BANK1: variants seen among roughly 807,000 people sequenced by gnomAD.
BANK1 encodes B-cell scaffold protein with ankyrin repeats.
In BANK1, 95 loss-of-function variants were observed where a neutral mutation model predicts 94.5. The ratio of observed to expected loss-of-function variants is 1.00; its 90% CI spans 0.85 to 1.19. The LOEUF (loss-of-function observed/expected upper bound fraction) is 1.19, where lower values mean the gene tolerates loss of function less well. Among genes scored for constraint, BANK1 ranks in the 50% most tolerant of loss-of-function variants. BANK1 has a pLI of 0.00. For missense variants in BANK1, 987 were observed against 932.2 expected (o/e 1.06, Z -0.77); for synonymous variants, 334 against 308.4 (o/e 1.08, Z -0.87).
Position 101,877,175 on chromosome 4 carries a change from A to G in BANK1, c.903+6531A>G, listed in dbSNP as rs573393476. ...ACAGATAATTTCCCAACCTAGAGAA[A>G]GATATCAATGTCCAAACATGAGAAA... On this transcript the variant is annotated intron_variant, in intron 5 of 16. Transcript: ENST00000322953. Among the ~76,000 whole-genome samples, 15 of 152,326 alleles carry G rather than the reference A, an allele frequency of 9.8e-5. No homozygotes were observed. The South Asian group carries it at 3.1e-3, about 32-fold the overall frequency.
At chr4:101,795,490 A>G (rs902223864) in intron 1 of BANK1, among the ~76,000 whole-genome samples, 3 of 152,128 alleles carry the variant, frequency 2.0e-5, no homozygotes, top group Non-Finnish European at 4.4e-5. Context: ...TGAAATGGCA[A>G]TTGTAGAATA....
intron 7 of BANK1, among the ~76,000 whole-genome samples, chr4:102,004,413 C>T (rs1006359918): frequency 1.3e-5 from 2 of 152,202 alleles, no homozygotes; most frequent in Non-Finnish European, 2.9e-5. Context: ...GTCACTGAGA[C>T]TCCTGACATC....
At chr4:101,827,720 G>C (rs1291210230) in intron 1 of BANK1, among the ~76,000 whole-genome samples, 1 of 151,704 alleles carries the variant, frequency 6.6e-6, no homozygotes, top group Non-Finnish European at 1.5e-5. Context: ...TTTGATTACA[G>C]TTACACTTTC....
At chr4:101,996,334 G>A (rs977281970) in intron 7 of BANK1, among the ~76,000 whole-genome samples, 2 of 152,122 alleles carry the variant, frequency 1.3e-5, no homozygotes, top group African/African-American at 4.8e-5. Flanking sequence ...CTGTAGCCTT[G>A]TAGTATAGTT....
At chr4:101,917,161 T>G (rs1453661252) in intron 6 of BANK1, among the ~76,000 whole-genome samples, 2 of 152,004 alleles carry the variant, frequency 1.3e-5, no homozygotes, top group Non-Finnish European at 2.9e-5. Context: ...ACTTTGGTTT[T>G]GATTCCTTTG....
chr4:101,993,269 G>T (rs1239979519), intron 7 of BANK1, among the ~76,000 whole-genome samples: 1 of 152,174 alleles, frequency 6.6e-6, no homozygotes, highest in Non-Finnish European at 1.5e-5. Flanking sequence ...GCTGGAAAAA[G>T]TTGTACATCG....
chr4:101,967,808 A>C (rs1724814587), intron 7 of BANK1, among the ~76,000 whole-genome samples: 1 of 152,110 alleles, frequency 6.6e-6, no homozygotes, highest in South Asian at 2.1e-4. Flanking sequence ...AATAAAAAGA[A>C]GAAGAGTATT....
At position 101,809,285 on chromosome 4, in the gene BANK1, G is replaced by A. The variant is rs116247418; in HGVS notation, c.70+18335G>A. On this transcript the variant is annotated intron_variant, in intron 1 of 16. Transcript: ENST00000322953. ...ATTGTTTGTTCTCAGTTATAAATGG[G>A]GGCTAAGCTATGAGGATGCAAAGGC... is the stretch of plus-strand genomic sequence containing the variant. 7.3e-3 allele frequency among the ~76,000 whole-genome samples: 1,108 copies of A among 152,150 alleles called. 24 individuals are homozygous for A. Among genetic ancestry groups the A allele is most frequent in the African/African-American group, 0.025 (1,044 of 41,510 alleles).
chr4:101,975,928 C>T (rs1055843222), intron 7 of BANK1, among the ~76,000 whole-genome samples: 3 of 152,088 alleles, frequency 2.0e-5, no homozygotes, highest in East Asian at 1.9e-4. Context: ...TGCGAATTTC[C>T]GCATTCAGAT....
chr4:102,005,673 TA>T (rs1726236005), intron 7 of BANK1, among the ~76,000 whole-genome samples: 1 of 152,066 alleles, frequency 6.6e-6, no homozygotes, highest in Non-Finnish European at 1.5e-5. Context: ...AGAAAATATT[TA>T]TTGAGCATTT....
chr4:101,912,617 A>C (rs1722699441), intron 6 of BANK1, among the ~76,000 whole-genome samples: 1 of 148,270 alleles, frequency 6.7e-6, no homozygotes, highest in Non-Finnish European at 1.5e-5. Flanking sequence ...AAATATATAC[A>C]TAATATATAT....
chr4:101,953,349 CA>C (rs894146396), intron 7 of BANK1, among the ~76,000 whole-genome samples: 16 of 151,956 alleles, frequency 1.1e-4, no homozygotes, highest in African/African-American at 3.9e-4. Context: ...AAACAGTGAA[CA>C]AAAAGCAATT....
intron 7 of BANK1, among the ~76,000 whole-genome samples, chr4:101,962,396 CCTTCCACTGGAAGCT>C (rs1406582489): frequency 1.3e-5 from 2 of 152,072 alleles, no homozygotes; most frequent in Admixed American, 6.6e-5. Context: ...TTCTGTTTTC[CCTTCCACTGGAAGCT>C]CTTCCACTGT....
At chr4:102,063,785 C>T (rs556457436) in intron 13 of BANK1, among the ~76,000 whole-genome samples, 20 of 147,804 alleles carry the variant, frequency 1.4e-4, no homozygotes, top group East Asian at 1.2e-3. Flanking sequence ...CAGCATTACA[C>T]GCCAGCCTGG....
At chr4:101,896,330 T>G (rs1722078550) in intron 6 of BANK1, among the ~76,000 whole-genome samples, 1 of 151,992 alleles carries the variant, frequency 6.6e-6, no homozygotes, top group South Asian at 2.1e-4. Context: ...AGTCTAATGT[T>G]GACATATTAA....
At chr4:101,835,586 A>C (rs2148865625) in intron 2 of BANK1, among the ~76,000 whole-genome samples, 1 of 152,360 alleles carries the variant, frequency 6.6e-6, no homozygotes, top group Middle Eastern at 3.4e-3. Flanking sequence ...GTAATGTAAC[A>C]GTAGAATTAT....
chr4:101,993,513 C>T (rs1355936821), intron 7 of BANK1, among the ~76,000 whole-genome samples: 3 of 152,152 alleles, frequency 2.0e-5, no homozygotes, highest in Non-Finnish European at 2.9e-5. Context: ...CAGGGCCTGA[C>T]ATTTTTAAAT....
At chr4:102,034,205 T>C (rs1208747404) in intron 10 of BANK1, among the ~76,000 whole-genome samples, 1 of 152,108 alleles carries the variant, frequency 6.6e-6, no homozygotes, top group Non-Finnish European at 1.5e-5. Flanking sequence ...AATGGAAAGA[T>C]TGGGAATAGA....
chr4:102,004,486 T>G (rs1231216719), intron 7 of BANK1, among the ~76,000 whole-genome samples: 4 of 152,190 alleles, frequency 2.6e-5, no homozygotes, highest in African/African-American at 4.8e-5. Context: ...ATTTTATTTA[T>G]TTTTTCATCG....
Sources: gnomAD v4.1 joint callset for allele counts (sites outside exome capture counted in the v4.1 genomes callset) on GRCh38, gnomAD v4.1.1 for gene constraint, MANE v1.5 for transcripts, NCBI Gene and HGNC (gene_info 2026-07-23, HGNC 2026-07-21) for gene names.